Variants in MUC22 observed in about 807,000 individuals in gnomAD.
MUC22 encodes mucin-22.
MUC22 carries 24 observed loss-of-function variants against 40.3 expected under a neutral mutation model. That is an observed-to-expected ratio of 0.60 (90% CI 0.43 to 0.84). MUC22 has a LOEUF of 0.84. Ranked by LOEUF, MUC22 falls within the 40% of genes least tolerant of loss-of-function variation. The pLI, the probability that MUC22 is intolerant of heterozygous loss-of-function variation, is 0.00. For synonymous variants in MUC22, 765 were observed against 844.5 expected (o/e 0.91, Z 1.63); for missense variants, 1,926 against 2,130.7 (o/e 0.90, Z 1.89).
intron 1 of MUC22, among the ~76,000 whole-genome samples, chr6:31,015,354 G>T (rs1764121378): frequency 6.6e-6 from 1 of 152,028 alleles, no homozygotes; most frequent in African/African-American, 2.4e-5. Flanking sequence ...ATATATACAA[G>T]CAGAAATCAA....
intron 1 of MUC22, among the ~76,000 whole-genome samples, chr6:31,013,078 C>G (rs1763959204): frequency 6.6e-6 from 1 of 150,532 alleles, no homozygotes; most frequent in African/African-American, 2.4e-5. Context: ...AACGTCCCCG[C>G]ATCACTCCTC....
chr6:31,033,397 G>A (rs548726376), intron 3 of MUC22, among the ~76,000 whole-genome samples: 36 of 152,302 alleles, frequency 2.4e-4, no homozygotes, highest in Admixed American at 1.7e-3. Flanking sequence ...GCGGGCTTCC[G>A]ATTGTCTCAT....
rs758149718 is a variant in MUC22, at chr6:31,027,333, G to A, written c.1902G>A (p.Glu634=). 7.8e-6 allele frequency: 12 copies of A among 1,530,144 alleles called. No homozygotes were observed. The South Asian group carries it at 1.3e-4, about 17-fold the overall frequency. The allele number at this position is 1,530,144 out of a possible 1,614,324, so 94.8% of individuals were successfully genotyped here. Residue 634 remains glutamate, a synonymous_variant, in exon 2 of 4, where the codon GAG becomes GAA. Transcript: ENST00000561890. ...CCACAGCCTCTACTGAAGGCTCTGA[G>A]ACCACCACAGCTTCCACTGAAGGCT...
chr6:31,031,616 C>G (rs1490743361), intron 2 of MUC22, among the ~76,000 whole-genome samples: 1 of 152,122 alleles, frequency 6.6e-6, no homozygotes, highest in Non-Finnish European at 1.5e-5. Flanking sequence ...CACCCATCAC[C>G]CTAGTAGTAT....
At chr6:31,017,287 C>G (rs545327939) in intron 1 of MUC22, among the ~76,000 whole-genome samples, 1 of 152,270 alleles carries the variant, frequency 6.6e-6, no homozygotes, top group African/African-American at 2.4e-5. Context: ...ACTTGGAGAA[C>G]CTTTATGTCT....
chr6:31,020,807 C>G (rs948801098), intron 1 of MUC22, among the ~76,000 whole-genome samples: 21 of 151,890 alleles, frequency 1.4e-4, no homozygotes, highest in Admixed American at 3.9e-4. Flanking sequence ...GGCGGCCCCG[C>G]ACTCGAAGCA....
chr6:31,028,196 G>T, exon 2 of MUC22: 3 of 1,533,438 alleles, frequency 2.0e-6, no homozygotes, highest in Non-Finnish European at 2.6e-6. Flanking sequence ...TCTACTGAAG[G>T]CTCTGAGACC....
chr6:31,016,351 C>T (rs7776233), intron 1 of MUC22, among the ~76,000 whole-genome samples: 58,596 of 151,976 alleles, frequency 0.39, 11,520 homozygotes, highest in East Asian at 0.47. Context: ...CCTGGAAGCT[C>T]TGTGAGCAGG....
Position 31,027,013 on chromosome 6 carries a change from G to A in MUC22, c.1582G>A (p.Ala528Thr), listed in dbSNP as rs1467861643. The A allele has an allele frequency of 4.7e-6, 7 of 1,493,070 alleles. No homozygotes were observed. In the East Asian group the frequency reaches 1.5e-4, roughly 32 times the overall value. 92.5% of individuals were successfully genotyped at this position (1,493,070 alleles called of 1,614,324 possible). Residue 528 changes from alanine to threonine, a missense_variant, in exon 2 of 4, where the codon GCC becomes ACC. Coordinates refer to ENST00000561890, the Ensembl canonical transcript of MUC22. The stretch of plus-strand genomic sequence containing the variant: ...TACTGAAGATTCTAAGACTACCACA[G>A]CCTCTACTACAGGGTTTGAGACAAC...
At chr6:31,025,515 C>A in exon 2 of MUC22, 1 of 1,504,484 alleles carries the variant, frequency 6.6e-7, no homozygotes, top group Non-Finnish European at 8.8e-7. Flanking sequence ...CTGAGAATAC[C>A]ACAGCCTTCA....
At chr6:31,017,584 G>A (rs6905885) in intron 1 of MUC22, among the ~76,000 whole-genome samples, 22,075 of 152,110 alleles carry the variant, frequency 0.15, 1,757 homozygotes, top group African/African-American at 0.19. Flanking sequence ...TCTCGCTCAA[G>A]GTTTGTAAAC....
chr6:31,009,358 C>A (rs1403865241), upstream of MUC22, among the ~76,000 whole-genome samples: 1 of 152,184 alleles, frequency 6.6e-6, no homozygotes, highest in Non-Finnish European at 1.5e-5. Flanking sequence ...TGAGCCACCG[C>A]ACCCGGCCAA....
At position 31,010,738 on chromosome 6, in the gene MUC22, G is replaced by A. The variant is rs1225569421; in HGVS notation, c.32G>A (p.Trp11Ter). 7.1e-6 allele frequency: 5 copies of A among 702,438 alleles called. No homozygotes were observed. Among genetic ancestry groups the A allele is most frequent in the Non-Finnish European group, 1.0e-5 (4 of 385,010 alleles). 43.5% of individuals were successfully genotyped at this position (702,438 alleles called of 1,614,324 possible). A position where few individuals can be genotyped will look rare whatever the true frequency, so the allele number is the denominator to read the frequency against. Residue 11 changes from tryptophan to a stop codon, truncating the protein, a stop_gained, in exon 1 of 4, where the codon TGG (tryptophan) becomes TAG (stop). Transcript: ENST00000561890. LOFTEE classifies it high-confidence loss of function. Reference sequence around the variant, plus strand: ...AGAGGAAATATCTCTCCTGCTTTCTGGTTCCTGTGGCTGCTTCTCTTTGGA... The same window carrying A: ...AGAGGAAATATCTCTCCTGCTTTCTAGTTCCTGTGGCTGCTTCTCTTTGGA...
rs1049090373 is a variant in MUC22 at position 31,026,408 on chromosome 6, A to G, written c.977A>G (p.Glu326Gly). 18 of 1,507,196 alleles carry G rather than the reference A, an allele frequency of 1.2e-5. 2 individuals carry two copies. Among genetic ancestry groups the G allele is most frequent in the Middle Eastern group, 1.7e-4 (1 of 5,848 alleles). 93.4% of individuals were successfully genotyped at this position (1,507,196 alleles called of 1,614,324 possible). The change falls in exon 2 of 4, where the codon GAG (glutamate) becomes GGG (glycine). Residue 326 changes from glutamate to glycine, a missense_variant. Around this residue, in one of 3 missense-constraint regions of MUC22, gnomAD observed 1,281 missense variants for 1,337.8 expected, o/e 0.96. Transcript: ENST00000561890. ...ACCACCACCTCTACGGCAGGATCCGAGAACACCACAGTCTCTAGTGCAGGC... is the reference window on the plus strand; with the variant it reads ...ACCACCACCTCTACGGCAGGATCCGGGAACACCACAGTCTCTAGTGCAGGC...
exon 2 of MUC22, chr6:31,027,926 G>T (rs1294650795): frequency 6.5e-7 from 1 of 1,534,768 alleles, no homozygotes; most frequent in Admixed American, 2.0e-5. Context: ...TCTACTGAAG[G>T]CTCTGGGACC....
At chr6:31,034,750 A>G (rs4248153) in exon 4 of MUC22, 650,092 of 1,535,478 alleles carry the variant, frequency 0.42, 141,201 homozygotes, top group African/African-American at 0.59. Flanking sequence ...TCTGGACCTG[A>G]ACTTGGGCCT....
intron 1 of MUC22, among the ~76,000 whole-genome samples, chr6:31,016,567 T>C (rs1764216685): frequency 6.6e-6 from 1 of 152,268 alleles, no homozygotes; most frequent in South Asian, 2.1e-4. Flanking sequence ...ATGTGGGTTT[T>C]ACATTTCAGG....
chr6:31,029,784 A>G (rs1425390892), exon 2 of MUC22: 3 of 1,475,522 alleles, frequency 2.0e-6, no homozygotes, highest in Non-Finnish European at 2.7e-6. Context: ...CCTCCACTGC[A>G]GGCTCTGAGA....
chr6:31,014,938 A>G (rs1024473225), intron 1 of MUC22, among the ~76,000 whole-genome samples: 4 of 152,210 alleles, frequency 2.6e-5, no homozygotes, highest in Non-Finnish European at 4.4e-5. Context: ...ACCACCTGAG[A>G]AAGACATCAA....
Sources: gnomAD v4.1 joint callset for allele counts (sites outside exome capture counted in the v4.1 genomes callset) on GRCh38, gnomAD v4.1.1 for gene constraint, gnomAD v4.1.1 regional missense constraint, MANE v1.5 for transcripts, NCBI Gene and HGNC (gene_info 2026-07-23, HGNC 2026-07-21) for gene names.